The following CELF4 variants were observed in gnomAD, a reference collection of about 807,000 sequenced individuals.
The protein encoded by CELF4 is CUGBP Elav-like family member 4, also known as CUG-BP- and ETR-3-like factor 4.
CELF4 carries 18 observed loss-of-function variants against 59.9 expected under a neutral mutation model. The ratio of observed to expected loss-of-function variants is 0.30; its 90% confidence interval spans 0.21 to 0.45. The LOEUF (loss-of-function observed/expected upper bound fraction) is 0.45, where lower values mean the gene tolerates loss of function less well. Among genes scored for constraint, CELF4 ranks in the 20% least tolerant of loss-of-function variants. The pLI, the probability that CELF4 is intolerant of heterozygous loss-of-function variation, is 1.00. For missense variants in CELF4, 456 were observed against 689.0 expected, an observed-to-expected ratio of 0.66 and a Z score of 3.79; for synonymous variants, 261 against 267.1, an observed-to-expected ratio of 0.98 and a Z score of 0.22.
At chr18:37,461,340 G>T (rs2099792939) in intron 2 of CELF4, among the ~76,000 whole-genome samples, 1 of 152,174 alleles carries the variant, frequency 6.6e-6, no homozygotes, top group South Asian at 2.1e-4. Flanking sequence ...AGCATGGCTG[G>T]GGAGGCCTCA....
At chr18:37,368,962 C>A (rs893359360) in intron 2 of CELF4, among the ~76,000 whole-genome samples, 1 of 152,170 alleles carries the variant, frequency 6.6e-6, no homozygotes. Context: ...TGACCACATG[C>A]GCACTGCAAA....
chr18:37,315,704 G>A (rs2096844183), intron 3 of CELF4, among the ~76,000 whole-genome samples: 1 of 152,174 alleles, frequency 6.6e-6, no homozygotes, highest in Non-Finnish European at 1.5e-5. Flanking sequence ...CATGCACCCA[G>A]GGAGGCGGGA....
chr18:37,429,970 G>A (rs564268002), intron 2 of CELF4, among the ~76,000 whole-genome samples: 5 of 152,302 alleles, frequency 3.3e-5, no homozygotes, highest in Non-Finnish European at 7.4e-5. Flanking sequence ...TGACTCTGAA[G>A]CAGGAAGTCC....
intron 3 of CELF4, among the ~76,000 whole-genome samples, chr18:37,311,788 C>CAAAAA (rs36044643): frequency 1.6e-4 from 16 of 100,222 alleles, no homozygotes; most frequent in East Asian, 6.0e-4. Flanking sequence ...GACTCCGTCT[C>CAAAAA]AAAAAAAAAA....
At chr18:37,452,362 G>A (rs2099766439) in intron 2 of CELF4, among the ~76,000 whole-genome samples, 1 of 151,956 alleles carries the variant, frequency 6.6e-6, no homozygotes, top group Non-Finnish European at 1.5e-5. Context: ...GGCGGTGCCT[G>A]CCCAGCCAGG....
intron 1 of CELF4, among the ~76,000 whole-genome samples, chr18:37,565,146 T>C (rs2099987824): frequency 6.6e-6 from 1 of 152,110 alleles, no homozygotes; most frequent in Non-Finnish European, 1.5e-5. Context: ...ATCGTTCCTA[T>C]CAGCACCTCG....
chr18:37,326,163 G>A (rs375839073), intron 2 of CELF4, among the ~76,000 whole-genome samples: 45 of 152,260 alleles, frequency 3.0e-4, no homozygotes, highest in East Asian at 1.7e-3. Context: ...AGAGCATGAC[G>A]ACAGAGCGAG....
intron 2 of CELF4, 68 bp downstream of exon 2, chr18:37,485,457 C>T: frequency 9.7e-7 from 1 of 1,035,692 alleles, no homozygotes; most frequent in South Asian, 4.4e-5. Flanking sequence ...GCCGCGCCGC[C>T]GCCCGGCCTC....
chr18:37,511,856 T>C (rs1226746029), intron 1 of CELF4, among the ~76,000 whole-genome samples: 1 of 152,124 alleles, frequency 6.6e-6, no homozygotes, highest in Non-Finnish European at 1.5e-5. Flanking sequence ...CCTACCATGC[T>C]TACCCCAAGC....
chr18:37,373,677 C>T (rs2098930724), intron 2 of CELF4, among the ~76,000 whole-genome samples: 1 of 152,200 alleles, frequency 6.6e-6, no homozygotes, highest in South Asian at 2.1e-4. Context: ...GGGCTCTGTC[C>T]CAAAACCTCC....
intron 2 of CELF4, among the ~76,000 whole-genome samples, chr18:37,376,869 A>G (rs148311208): frequency 9.2e-5 from 14 of 152,298 alleles, no homozygotes; most frequent in African/African-American, 3.4e-4. Context: ...GCTCTGCTCA[A>G]TTTGAAAGCA....
At chr18:37,551,406 G>A (rs1439943821) in intron 1 of CELF4, among the ~76,000 whole-genome samples, 1 of 152,232 alleles carries the variant, frequency 6.6e-6, no homozygotes, top group Non-Finnish European at 1.5e-5. Flanking sequence ...TGTCTGCTCA[G>A]GACGTTGCCC....
intron 1 of CELF4, among the ~76,000 whole-genome samples, chr18:37,496,253 A>T (rs2099925100): frequency 6.6e-6 from 1 of 152,170 alleles, no homozygotes; most frequent in Non-Finnish European, 1.5e-5. Flanking sequence ...CATCTGTGAG[A>T]ATCCTGTCCC....
chr18:37,298,835 G>T (rs911592680), intron 3 of CELF4, among the ~76,000 whole-genome samples: 1 of 152,016 alleles, frequency 6.6e-6, no homozygotes, highest in African/African-American at 2.4e-5. Context: ...CCAGCCAAGC[G>T]GGGCCCGGTC....
At chr18:37,329,945 C>T in intron 2 of CELF4, among the ~76,000 whole-genome samples, 1 of 152,172 alleles carries the variant, frequency 6.6e-6, no homozygotes, top group Non-Finnish European at 1.5e-5. Flanking sequence ...TGTGGATCAT[C>T]AGGTGTTTTA....
intron 1 of CELF4, among the ~76,000 whole-genome samples, chr18:37,557,493 T>A (rs1465366177): frequency 6.6e-6 from 1 of 152,228 alleles, no homozygotes; most frequent in East Asian, 1.9e-4. Flanking sequence ...GGAAGCTAGC[T>A]TGCCTTGCTG....
intron 3 of CELF4, among the ~76,000 whole-genome samples, chr18:37,288,423 C>T (rs750447224): frequency 2.6e-5 from 4 of 152,226 alleles, no homozygotes; most frequent in South Asian, 2.1e-4. Context: ...TGGCAGCACA[C>T]ACCATGGGCC....
At chr18:37,524,930 C>T (rs2099962017) in intron 1 of CELF4, among the ~76,000 whole-genome samples, 1 of 152,218 alleles carries the variant, frequency 6.6e-6, no homozygotes. Context: ...CTCGGTTTCC[C>T]GCTTCGCTCT....
At chr18:37,329,895 G>A (rs2097476290) in intron 2 of CELF4, among the ~76,000 whole-genome samples, 1 of 152,180 alleles carries the variant, frequency 6.6e-6, no homozygotes. Context: ...TGCCTTTCTG[G>A]GTCCCCATCT....
Sources: gnomAD v4.1 joint callset for allele counts (sites outside exome capture counted in the v4.1 genomes callset) on GRCh38, gnomAD v4.1.1 for gene constraint, MANE v1.5 for transcripts, NCBI Gene and HGNC (gene_info 2026-07-23, HGNC 2026-07-21) for gene names.